The following PPFIA4 variants were observed in gnomAD, a reference collection of about 807,000 sequenced individuals.
PPFIA4 encodes the protein PPFI scaffold protein A4.
PPFIA4 carries 98 observed loss-of-function variants against 145.7 expected under a neutral mutation model. That is an observed-to-expected ratio of 0.67 (90% CI 0.57 to 0.80). The LOEUF is 0.80. PPFIA4 is among the 30% of genes least tolerant of loss of function. PPFIA4 has a pLI of 0.00. For synonymous variants in PPFIA4, 628 were observed against 649.6 expected (o/e 0.97, Z 0.51); for missense variants, 1,457 against 1,632.7 (o/e 0.89, Z 1.85).
In PPFIA4 at chr1:203,072,016, C is replaced by G. The variant is rs538700815; in HGVS notation, c.3393+256C>G. Among the ~76,000 whole-genome samples the G allele has an allele frequency of 3.2e-4, 48 of 152,296 alleles. 1 individual carries two copies. The South Asian group carries it at 9.7e-3, about 31-fold the overall frequency. ...AGCTGAAGGCCCATGTGTTGTACTT[C>G]CAGCATCTTCCAATTCTGTGCCCCG... On this transcript the variant is annotated intron_variant, in intron 28 of 29. Transcript: ENST00000295706.
chr1:203,044,866 G>A (rs1377044660), intron 6 of PPFIA4, 81 bp downstream of exon 6: 1 of 1,114,216 alleles, frequency 9.0e-7, no homozygotes, highest in Admixed American at 2.0e-5. Flanking sequence ...CCTTAGTTCA[G>A]TAGACTAACT....
intron 25 of PPFIA4, among the ~76,000 whole-genome samples, chr1:203,065,671 CA>C (rs1173721646): frequency 6.6e-6 from 1 of 152,250 alleles, no homozygotes; most frequent in Non-Finnish European, 1.5e-5. Context: ...CGTAACATTT[CA>C]CAAGCATGTT....
In PPFIA4 at chr1:203,059,078, C is replaced by T. The variant is rs114725005; in HGVS notation, c.2408-100C>T. ...GTCCCGTCAGGCCATGGGTTGTCCT[C>T]TGCCAAGGAGCCTCCTGCTGCTTCT... On this transcript the variant is annotated intron_variant, in intron 19 of 29. Coordinates refer to ENST00000295706, the MANE Select transcript of PPFIA4 (RefSeq NM_001304331.2). 2,859 of 931,172 alleles carry T rather than the reference C, an allele frequency of 3.1e-3. 52 individuals are homozygous for T. In the African/African-American group the frequency reaches 0.041, roughly 13 times the overall value. 57.7% of individuals were successfully genotyped at this position (931,172 alleles called of 1,614,324 possible).
intron 1 of PPFIA4, chr1:203,034,512 C>G (rs1274613680): frequency 4.4e-6 from 2 of 456,498 alleles, no homozygotes; most frequent in South Asian, 1.5e-5. Context: ...GACGAGGGCT[C>G]CGAAGAGTGT....
At chr1:203,033,334 T>C (rs1218880876) in intron 1 of PPFIA4, among the ~76,000 whole-genome samples, 1 of 152,214 alleles carries the variant, frequency 6.6e-6, no homozygotes, top group African/African-American at 2.4e-5. Context: ...GTGGGGCTTT[T>C]CCAAGAGTTT....
chr1:203,044,778 T>C lies in PPFIA4; in HGVS notation c.659T>C (p.Leu220Pro), dbSNP rs1659950031. 2 of 1,561,916 alleles carry C rather than the reference T, an allele frequency of 1.3e-6. No individual in the cohort carries two copies. Among genetic ancestry groups the C allele is most frequent in the Non-Finnish European group, 1.7e-6 (2 of 1,153,268 alleles). Residue 220 changes from leucine to proline, a missense_variant, in exon 6 of 30, where the codon CTG (leucine) becomes CCG (proline). Physicochemically the swap from Leu to Pro is moderately conservative, Grantham distance 98. This residue lies in a region of PPFIA4 where 463 missense variants were observed against 459.8 expected (regional missense o/e 1.01). Coordinates refer to ENST00000295706, the MANE Select transcript of PPFIA4 (RefSeq NM_001304331.2). ...ACTGTGGAGCTGGGGCCGAAACGCC[T>C]GTGGAAGGTAGGTCATGGAGAGCTG... Reference protein sequence around the residue: ...EGTVELGPKRLWKEDTGRVEE... With the variant: ...EGTVELGPKRPWKEDTGRVEE...
chr1:203,034,714 A>G (rs1304628215), intron 1 of PPFIA4: 1 of 456,522 alleles, frequency 2.2e-6, no homozygotes, highest in Non-Finnish European at 4.4e-6. Context: ...GGCCTTCCCC[A>G]GGCTGGAGGA....
intron 1 of PPFIA4, among the ~76,000 whole-genome samples, chr1:203,029,443 CAG>C (rs1658666930): frequency 6.6e-6 from 1 of 152,238 alleles, no homozygotes; most frequent in South Asian, 2.1e-4. Flanking sequence ...CTGGCTGTGC[CAG>C]AGACTGAGTG....
In PPFIA4 at chr1:203,068,575, T is replaced by C; in HGVS notation, c.3271T>C (p.Phe1091Leu). The C allele has an allele frequency of 6.3e-7, 1 of 1,596,238 alleles. No individual in the cohort carries two copies. The highest frequency in any genetic ancestry group is 8.5e-7 in the Non-Finnish European group (1 of 1,171,912). ...HGALLALDEN[F>L]DHNTLALILQ... The stretch of plus-strand genomic sequence containing the variant: ...AGCCTTGCTGGCCCTGGACGAGAAC[T>C]TCGACCACAACACACTGGCCCTGAT... The change falls in exon 27 of 30, where the codon TTC becomes CTC. Residue 1091 changes from phenylalanine to leucine, a missense_variant. Transcript: ENST00000295706. The surrounding 1 kb of genome is among the most constrained non-coding windows in gnomAD (Gnocchi z 4.7).
chr1:203,068,632 G>A lies in PPFIA4; in HGVS notation c.3324+4G>A, dbSNP rs1661902963. The A allele has an allele frequency of 1.3e-6, 2 of 1,507,900 alleles. No homozygotes were observed. Among genetic ancestry groups the A allele is most frequent in the African/African-American group, 2.9e-5 (2 of 69,728 alleles). The allele number at this position is 1,507,900 out of a possible 1,614,324, so 93.4% of individuals were successfully genotyped here. A position where few individuals can be genotyped will look rare whatever the true frequency, so the allele number is the denominator to read the frequency against. On this transcript the variant is annotated splice_donor_region_variant and intron_variant, in intron 27 of 29. Coordinates refer to ENST00000295706, the MANE Select transcript of PPFIA4 (RefSeq NM_001304331.2). This position sits in a 1 kb window ranked among gnomAD's most constrained non-coding sequence, Gnocchi z 4.7. Reference sequence around the variant, plus strand: ...GATCCCCACACAGAACACCCAGGTGGGCAGCCTTTTAATCAGTCAACTTGA... The same window carrying A: ...GATCCCCACACAGAACACCCAGGTGAGCAGCCTTTTAATCAGTCAACTTGA...
intron 1 of PPFIA4, among the ~76,000 whole-genome samples, chr1:203,032,322 G>C (rs574373191): frequency 2.6e-5 from 4 of 152,160 alleles, no homozygotes; most frequent in African/African-American, 9.6e-5. Flanking sequence ...GCAAACACCA[G>C]TCTTAAGTTA....
At chr1:203,049,638 C>T (rs1660348752) in intron 12 of PPFIA4, 38 bp from the exon 13 acceptor site, 1 of 1,343,552 alleles carries the variant, frequency 7.4e-7, no homozygotes, top group Non-Finnish European at 1.0e-6. Context: ...CCCTCCCTGG[C>T]CCCCACTCCC....
In PPFIA4 at chr1:203,055,150, G is replaced by C. The variant is rs963558699; in HGVS notation, c.1830-282G>C. On this transcript the variant is annotated intron_variant, in intron 15 of 29. Transcript: ENST00000295706. This position sits in a 1 kb window ranked among gnomAD's most constrained non-coding sequence, Gnocchi z 4.8. ...CAGACAGCAAAATACCTGACTCAAGGCCACCCTATAGTTAGGGGTATGTCA... is the reference window on the plus strand; with the variant it reads ...CAGACAGCAAAATACCTGACTCAAGCCCACCCTATAGTTAGGGGTATGTCA... 2.0e-5 allele frequency among the ~76,000 whole-genome samples: 3 copies of C among 152,212 alleles called. No homozygotes were observed. The highest frequency in any genetic ancestry group is 7.2e-5 in the African/African-American group (3 of 41,458).
chr1:203,040,926 A>G lies in PPFIA4; in HGVS notation c.234+1684A>G, dbSNP rs142864471. On this transcript the variant is annotated intron_variant, in intron 2 of 29. Transcript: ENST00000295706. The stretch of plus-strand genomic sequence containing the variant: ...CAGGGGTTGTGTCTTTCTTGTCACT[A>G]TATCCCCAGTGATCTGCACAGGACC... Among the ~76,000 whole-genome samples the G allele has an allele frequency of 2.7e-4, 41 of 152,354 alleles. No individual in the cohort carries two copies. In the East Asian group the frequency reaches 6.9e-3, roughly 26 times the overall value.
Position 203,046,006 on chromosome 1 carries a change from G to T in PPFIA4, c.1005+19G>T. ...CCGCCAGGTACCTCCTCAGGGTGGG[G>T]TGGGGATGGGCATTGTACTTAGCCC... is the stretch of plus-strand genomic sequence containing the variant. On this transcript the variant is annotated intron_variant, in intron 8 of 29. Transcript: ENST00000295706. 1 of 1,612,174 alleles carries T rather than the reference G, an allele frequency of 6.2e-7. No individual in the cohort carries two copies. Among genetic ancestry groups the T allele is most frequent in the East Asian group, 2.2e-5 (1 of 44,880 alleles).
chr1:203,070,178 G>C (rs1662047220), intron 27 of PPFIA4, among the ~76,000 whole-genome samples: 1 of 152,124 alleles, frequency 6.6e-6, no homozygotes, highest in South Asian at 2.1e-4. Flanking sequence ...AATAGTAGCA[G>C]GGACACCTCC....
rs751968930 is a variant in PPFIA4, at chr1:203,046,560, C to G, written c.1140+178C>G. 79 of 649,020 alleles carry G rather than the reference C, an allele frequency of 1.2e-4. 1 individual carries two copies. Among genetic ancestry groups the G allele is most frequent in the Middle Eastern group, 8.6e-4 (2 of 2,326 alleles). 40.2% of individuals were successfully genotyped at this position (649,020 alleles called of 1,614,324 possible). On this transcript the variant is annotated intron_variant, in intron 9 of 29. Coordinates refer to ENST00000295706, the MANE Select transcript of PPFIA4 (RefSeq NM_001304331.2). Reference sequence around the variant, plus strand: ...TGCCTGTCAGTTGGAAGAGTAATCCCTGTCCTCATCACCCTGCAGGGATGT... The same window carrying G: ...TGCCTGTCAGTTGGAAGAGTAATCCGTGTCCTCATCACCCTGCAGGGATGT...
At position 203,061,700 on chromosome 1, in the gene PPFIA4, A is replaced by G. The variant is rs942673807; in HGVS notation, c.2874+22A>G. ...TCAGGTAAGACTCCCTACCCTGTCT[A>G]GAACCAGCTCCCAAAACTTCAGGAC... On this transcript the variant is annotated intron_variant, in intron 24 of 29. Coordinates refer to ENST00000295706, the MANE Select transcript of PPFIA4 (RefSeq NM_001304331.2). The G allele has an allele frequency of 7.1e-6, 11 of 1,558,676 alleles. No homozygotes were observed. In the African/African-American group the frequency reaches 1.2e-4, roughly 17 times the overall value.
In PPFIA4 at chr1:203,049,305, G is replaced by A. The variant is rs966911761; in HGVS notation, c.1419+325G>A. Among the ~76,000 whole-genome samples, 3 of 152,164 alleles carry A rather than the reference G, an allele frequency of 2.0e-5. No homozygotes were observed. In the South Asian group the frequency reaches 6.2e-4, roughly 31 times the overall value. On this transcript the variant is annotated intron_variant, in intron 12 of 29. Transcript: ENST00000295706. ...GAGCCTGGTGATTCTGGGAGGATTT[G>A]CCTCCGTCCTGGCCTCGGCAATGTC...
Sources: gnomAD v4.1 joint callset for allele counts (sites outside exome capture counted in the v4.1 genomes callset) on GRCh38, gnomAD v4.1.1 for gene constraint, gnomAD v4.1.1 regional missense constraint, Gnocchi (gnomAD v3.1) non-coding constraint, MANE v1.5 for transcripts, NCBI Gene and HGNC (gene_info 2026-07-23, HGNC 2026-07-21) for gene names.